Variants in HMGXB3 observed in about 807,000 individuals in gnomAD.
HMGXB3 encodes the protein HMG domain-containing protein 3.
A neutral mutation model predicts 121.5 loss-of-function variants in HMGXB3; 45 were observed. The observed-to-expected ratio is 0.37, with a 90% CI of 0.29 to 0.47. The LOEUF (loss-of-function observed/expected upper bound fraction) is 0.47. Among genes scored for constraint, HMGXB3 ranks in the 20% least tolerant of loss-of-function variants. The pLI, the probability that HMGXB3 is intolerant of heterozygous loss-of-function variation, is 0.99. For missense variants in HMGXB3, 1,376 were observed against 1,602.2 expected (o/e 0.86, Z 2.41); for synonymous variants, 590 against 624.1 (o/e 0.95, Z 0.81).
intron 11 of HMGXB3, among the ~76,000 whole-genome samples, 159 bp from the exon 12 acceptor site, chr5:150,036,477 T>C (rs1309410289): frequency 6.6e-6 from 1 of 152,168 alleles, no homozygotes; most frequent in Non-Finnish European, 1.5e-5. Flanking sequence ...CAGCCTTTAG[T>C]CACACAGTGA....
chr5:150,045,431 C>G, intron 15 of HMGXB3, 35 bp from the exon 16 acceptor site: 1 of 1,495,908 alleles, frequency 6.7e-7, no homozygotes, highest in Non-Finnish European at 9.1e-7. Flanking sequence ...TTCTGTGACT[C>G]CCACAGTTTG....
chr5:150,022,814 G>A, intron 6 of HMGXB3, among the ~76,000 whole-genome samples: 1 of 128,076 alleles, frequency 7.8e-6, no homozygotes. Context: ...CCTGTTACTG[G>A]CTCTTTTTTT....
chr5:150,037,104 T>C (rs567201070), intron 12 of HMGXB3, among the ~76,000 whole-genome samples, 167 bp downstream of exon 12: 23 of 152,340 alleles, frequency 1.5e-4, no homozygotes, highest in African/African-American at 5.5e-4. Flanking sequence ...TTGGTAATTA[T>C]CATTTCTGTT....
chr5:150,024,656 T>C lies in HMGXB3; in HGVS notation c.1436T>C (p.Leu479Pro). ...PSEGTSTSSP[L>P]PAPKKPTGAD... The stretch of plus-strand genomic sequence containing the variant: ...GAGGGGACAAGTACCTCCAGTCCAC[T>C]CCCTGCTCCTAAAAAACCTACAGGG... The change falls in exon 7 of 20, where the codon CTC becomes CCC. Residue 479 changes from leucine (L) to proline (P), a missense_variant. Physicochemically the swap from Leu to Pro is moderately conservative, Grantham distance 98. Around this residue, in one of 2 missense-constraint regions of HMGXB3, gnomAD observed 1,116 missense variants for 1,369.0 expected, o/e 0.82. Transcript: ENST00000502717. 6.5e-7 allele frequency: 1 copy of C among 1,548,176 alleles called. No homozygotes were observed. The highest frequency in any genetic ancestry group is 8.7e-7 in the Non-Finnish European group (1 of 1,145,142).
chr5:150,007,865 G>A (rs1411588597), intron 3 of HMGXB3, among the ~76,000 whole-genome samples: 2 of 152,112 alleles, frequency 1.3e-5, no homozygotes, highest in Middle Eastern at 3.4e-3. Context: ...GACTAGCCTG[G>A]GCAAGTTGGC....
chr5:150,050,851 A>G (rs1339456206), intron 19 of HMGXB3, among the ~76,000 whole-genome samples: 1 of 152,224 alleles, frequency 6.6e-6, no homozygotes, highest in Non-Finnish European at 1.5e-5. Context: ...TGCCCAGGAT[A>G]TCCCAAACCT....
intron 19 of HMGXB3, 75 bp from the exon 20 acceptor site, chr5:150,051,650 G>C: frequency 2.5e-6 from 3 of 1,194,746 alleles, no homozygotes; most frequent in Non-Finnish European, 3.5e-6. Context: ...GCTGAGCCTA[G>C]AGTGTTCTCG....
intron 5 of HMGXB3, among the ~76,000 whole-genome samples, chr5:150,013,499 G>T (rs975025014): frequency 1.3e-5 from 2 of 152,128 alleles, no homozygotes; most frequent in Non-Finnish European, 2.9e-5. Flanking sequence ...TCAGAATTTG[G>T]CTCAGAATTT....
At chr5:150,018,738 A>G (rs1399523681) in intron 6 of HMGXB3, 41 bp downstream of exon 6, 3 of 1,509,620 alleles carry the variant, frequency 2.0e-6, no homozygotes, top group Non-Finnish European at 2.7e-6. Flanking sequence ...AGCCTCACAG[A>G]ATAGACTTTC....
At chr5:150,037,019 A>C in intron 12 of HMGXB3, 82 bp downstream of exon 12, 1 of 1,205,500 alleles carries the variant, frequency 8.3e-7, no homozygotes, top group African/African-American at 1.5e-5. Context: ...CATTAAAACT[A>C]TAACTGTGAA....
At chr5:150,019,408 A>G (rs913378104) in intron 6 of HMGXB3, among the ~76,000 whole-genome samples, 2 of 152,196 alleles carry the variant, frequency 1.3e-5, no homozygotes, top group Admixed American at 1.3e-4. Context: ...GCCTTTGCCC[A>G]TAGAAGACAC....
At chr5:150,042,004 G>T in intron 15 of HMGXB3, 35 bp downstream of exon 15, 1 of 1,527,976 alleles carries the variant, frequency 6.5e-7, no homozygotes, top group Non-Finnish European at 8.9e-7. Flanking sequence ...GGGACCTGCG[G>T]AATTTTCTCA....
At chr5:150,013,789 A>G (rs1157030199) in intron 5 of HMGXB3, among the ~76,000 whole-genome samples, 1 of 152,258 alleles carries the variant, frequency 6.6e-6, no homozygotes, top group East Asian at 1.9e-4. Flanking sequence ...TTATTGACAT[A>G]AAGTTGTTCA....
Position 150,048,541 on chromosome 5 carries a change from T to C in HMGXB3, c.3085-28T>C, listed in dbSNP as rs76118626. 177 of 1,465,556 alleles carry C rather than the reference T, an allele frequency of 1.2e-4. No homozygotes were observed. In the East Asian group the frequency reaches 4.3e-3, roughly 35 times the overall value. 90.8% of individuals were successfully genotyped at this position (1,465,556 alleles called of 1,614,324 possible). On this transcript the variant is annotated intron_variant, in intron 17 of 19. Coordinates refer to ENST00000502717, the MANE Select transcript of HMGXB3 (RefSeq NM_014983.3). ...CGTGGTCCCTTAGCATTCGCCCTTA[T>C]GTTTTTAATCTTGTCCTTCTACTCC...
chr5:150,010,042 T>A, intron 3 of HMGXB3, 69 bp from the exon 4 acceptor site: 1 of 1,437,312 alleles, frequency 7.0e-7, no homozygotes, highest in Non-Finnish European at 9.3e-7. Flanking sequence ...TATATATCTT[T>A]CTCTCTCCAT....
chr5:150,040,679 G>C (rs890375271), intron 13 of HMGXB3, 69 bp from the exon 14 acceptor site: 14 of 1,482,206 alleles, frequency 9.4e-6, no homozygotes, highest in Non-Finnish European at 1.1e-5. Flanking sequence ...CACCCAGCTG[G>C]TGTGTATTCT....
At chr5:150,011,863 C>T (rs1044460192) in intron 4 of HMGXB3, among the ~76,000 whole-genome samples, 1 of 152,070 alleles carries the variant, frequency 6.6e-6, no homozygotes, top group Non-Finnish European at 1.5e-5. Flanking sequence ...CCGCCCGCCT[C>T]GGCCTCCCAA....
rs1381194623 is a variant in HMGXB3, at chr5:150,024,334, C to G, written c.1114C>G (p.Gln372Glu). ...CAAAGGCTCTGTGGTGAAAAGAAATCAGCAACCTGTCACCACTGAGCAAAA... is the reference window on the plus strand; with the variant it reads ...CAAAGGCTCTGTGGTGAAAAGAAATGAGCAACCTGTCACCACTGAGCAAAA... ...SSKGSVVKRN[Q>E]QPVTTEQNSS... The change falls in exon 7 of 20, where the codon CAG becomes GAG. Residue 372 changes from glutamine to glutamate, a missense_variant. By Grantham distance (29) the Gln-to-Glu change is conservative. This residue lies in a region of HMGXB3 where 1,116 missense variants were observed against 1,369.0 expected (regional missense o/e 0.82). Transcript: ENST00000502717. 1.3e-6 allele frequency: 2 copies of G among 1,551,676 alleles called. No individual in the cohort carries two copies. Among genetic ancestry groups the G allele is most frequent in the South Asian group, 2.4e-5 (2 of 84,048 alleles).
Position 150,010,145 on chromosome 5 carries a change from C to G in HMGXB3, c.347C>G (p.Pro116Arg), listed in dbSNP as rs1259654259. The change falls in exon 4 of 20, where the codon CCG (proline) becomes CGG (arginine). Residue 116 changes from proline to arginine, a missense_variant. Around this residue, in one of 2 missense-constraint regions of HMGXB3, gnomAD observed 1,116 missense variants for 1,369.0 expected, o/e 0.82. Coordinates refer to ENST00000502717, the MANE Select transcript of HMGXB3 (RefSeq NM_014983.3). ...CTCTCTGCACTGACTGCTGTGGTTC[C>G]GGACATCCCAGGTTTCCGCAAGATC... ...SKLSALTAVV[P>R]DIPGFRKILP... 1 of 1,551,468 alleles carries G rather than the reference C, an allele frequency of 6.4e-7. No homozygotes were observed. Among genetic ancestry groups the G allele is most frequent in the Admixed American group, 2.0e-5 (1 of 50,966 alleles).
Sources: allele counts gnomAD v4.1 joint callset (sites outside exome capture counted in the v4.1 genomes callset), GRCh38; gene constraint gnomAD v4.1.1; regional missense constraint gnomAD v4.1.1; transcripts MANE v1.5; gene names NCBI Gene and HGNC (gene_info 2026-07-23, HGNC 2026-07-21).